Variants in OPN3 observed in about 807,000 individuals in gnomAD.
OPN3 encodes opsin-3.
OPN3 carries 29 observed loss-of-function variants against 33.8 expected under a neutral mutation model. That is an observed-to-expected ratio of 0.86 (90% CI 0.64 to 1.17). The LOEUF (loss-of-function observed/expected upper bound fraction) is 1.17, where lower values mean the gene tolerates loss of function less well. Among genes scored for constraint, OPN3 ranks in the 50% most tolerant of loss-of-function variants. The probability of loss-of-function intolerance (pLI) is 0.00; values close to 1 mark genes in which losing one functional copy is unlikely to be tolerated. For synonymous variants in OPN3, 216 were observed against 216.1 expected (o/e 1.00, Z 0.00); for missense variants, 437 against 514.1 (o/e 0.85, Z 1.45).
chr1:241,630,347 CTTAAT>C (rs1360131323), intron 1 of OPN3: 2 of 152,022 alleles, frequency 1.3e-5, no homozygotes, highest in Non-Finnish European at 2.9e-5. Context: ...AGGCATCTTT[CTTAAT>C]TTATCTCTAT....
Position 241,639,933 on chromosome 1 carries a change from C to A in OPN3, c.322G>T (p.Val108Leu). 6.2e-7 allele frequency: 1 copy of A among 1,607,624 alleles called. No homozygotes were observed. The highest frequency in any genetic ancestry group is 1.1e-5 in the South Asian group (1 of 90,254). The change falls in exon 1 of 4, where the codon GTG (valine) becomes TTG (leucine). Residue 108 changes from valine to leucine, a missense_variant. Val to Leu is a conservative substitution (Grantham distance 32, BLOSUM62 1). Coordinates refer to ENST00000366554, the MANE Select transcript of OPN3 (RefSeq NM_014322.3). ...TFVSCLRNGW[V>L]WDTVGCVWDG... ...CACACGCAGCCCACGGTGTCCCACA[C>A]CCAGCCGTTCCTCAGGCAGGACACG...
chr1:241,629,816 T>C (rs563548943), intron 1 of OPN3: 4 of 152,252 alleles, frequency 2.6e-5, no homozygotes, highest in Admixed American at 2.0e-4. Flanking sequence ...TTTCTTTCCA[T>C]TGGCTTATTA....
intron 1 of OPN3, among the ~76,000 whole-genome samples, chr1:241,620,962 C>T (rs1483710242): frequency 6.6e-6 from 1 of 151,904 alleles, no homozygotes; most frequent in Non-Finnish European, 1.5e-5. Context: ...AGGAAATGGA[C>T]CTCCATCAAA....
rs775047881 is a variant in OPN3, at chr1:241,639,894, C to G, written c.361G>C (p.Gly121Arg). The change falls in exon 1 of 4, where the codon GGC (glycine) becomes CGC (arginine). Residue 121 changes from glycine (G) to arginine (R), a missense_variant. Physicochemically the swap from Gly to Arg is moderately radical, Grantham distance 125. Coordinates refer to ENST00000366554, the MANE Select transcript of OPN3 (RefSeq NM_014322.3). Reference protein sequence around the residue: ...TVGCVWDGFSGSLFGIVSIAT... With the variant: ...TVGCVWDGFSRSLFGIVSIAT... Reference sequence around the variant, plus strand: ...CAGTCCAACTCACCGAAGAGGCTGCCGCTAAACCCGTCCCACACGCAGCCC... The same window carrying G: ...CAGTCCAACTCACCGAAGAGGCTGCGGCTAAACCCGTCCCACACGCAGCCC... 3 of 1,586,416 alleles carry G rather than the reference C, an allele frequency of 1.9e-6. No individual in the cohort carries two copies. In the East Asian group the frequency reaches 7.1e-5, roughly 37 times the overall value.
intron 2 of OPN3, among the ~76,000 whole-genome samples, chr1:241,602,661 G>T (rs1353025750): frequency 1.3e-5 from 2 of 151,918 alleles, no homozygotes; most frequent in Non-Finnish European, 2.9e-5. Flanking sequence ...TAGAGATAGA[G>T]AGAGAGAGAG....
rs900926670 is a variant in OPN3 at position 241,593,753 on chromosome 1, A to C, written c.*675T>G. ...CAAAGAACAGTAAATTTTTAGAGAA[A>C]CAACAAAACAAAGAAAAAGAGCTTT... On this transcript the variant is annotated 3_prime_UTR_variant, in exon 4 of 4. Transcript: ENST00000366554. 6.5e-6 allele frequency: 1 copy of C among 154,490 alleles called. No homozygotes were observed. Among genetic ancestry groups the C allele is most frequent in the Non-Finnish European group, 1.4e-5 (1 of 69,524 alleles). The allele number at this position is 154,490 out of a possible 1,614,324, so 9.6% of individuals were successfully genotyped here.
chr1:241,629,995 C>G (rs1376301922), intron 1 of OPN3: 1 of 152,042 alleles, frequency 6.6e-6, no homozygotes, highest in Non-Finnish European at 1.5e-5. Flanking sequence ...CCATATTCCA[C>G]ACAGCAACCA....
chr1:241,594,322 G>T lies in OPN3; in HGVS notation c.*106C>A. 3 of 1,263,002 alleles carry T rather than the reference G, an allele frequency of 2.4e-6. No homozygotes were observed. The highest frequency in any genetic ancestry group is 2.2e-6 in the Non-Finnish European group (2 of 906,046). The allele number at this position is 1,263,002 out of a possible 1,614,324, so 78.2% of individuals were successfully genotyped here. A position where few individuals can be genotyped will look rare whatever the true frequency, so the allele number is the denominator to read the frequency against. On this transcript the variant is annotated 3_prime_UTR_variant, in exon 4 of 4. Transcript: ENST00000366554. ...TTCGGATTTCCTGCTGGACCACAAG[G>T]TTCTGTTGATATTACATAGAACGGG...
chr1:241,626,366 G>C (rs1664418753), intron 1 of OPN3, among the ~76,000 whole-genome samples: 1 of 145,576 alleles, frequency 6.9e-6, no homozygotes, highest in Non-Finnish European at 1.6e-5. Flanking sequence ...CATAGTCTTT[G>C]TTTGAAAGGA....
intron 1 of OPN3, among the ~76,000 whole-genome samples, chr1:241,608,248 TAGAG>T (rs1449407421): frequency 6.6e-6 from 1 of 152,236 alleles, no homozygotes; most frequent in Non-Finnish European, 1.5e-5. Flanking sequence ...CAATGTACCT[TAGAG>T]AGGAATAAAT....
intron 1 of OPN3, among the ~76,000 whole-genome samples, chr1:241,623,450 G>T (rs1040703412): frequency 6.6e-6 from 1 of 152,110 alleles, no homozygotes; most frequent in African/African-American, 2.4e-5. Context: ...ATAAGCAAAT[G>T]CAATCTGTTT....
intron 1 of OPN3, chr1:241,634,371 G>A (rs879175089): frequency 4.3e-6 from 7 of 1,613,924 alleles, no homozygotes; most frequent in Non-Finnish European, 8.5e-7. Context: ...TCTGTCTTTA[G>A]TATAGACTGA....
At chr1:241,635,352 A>G in intron 1 of OPN3, 1 of 1,614,048 alleles carries the variant, frequency 6.2e-7, no homozygotes, top group Non-Finnish European at 8.5e-7. Context: ...TCTTCAGGTA[A>G]TGCAGAATCC....
intron 1 of OPN3, 69 bp downstream of exon 1, chr1:241,639,813 C>T: frequency 7.6e-7 from 1 of 1,316,584 alleles, no homozygotes; most frequent in Non-Finnish European, 9.7e-7. Flanking sequence ...GGCGGACGCA[C>T]GGAGCGGGCA....
chr1:241,637,653 A>G (rs894531851), intron 1 of OPN3, among the ~76,000 whole-genome samples: 15 of 152,178 alleles, frequency 9.9e-5, no homozygotes, highest in Non-Finnish European at 1.8e-4. Context: ...TAACCTACAG[A>G]TATCAAAGGG....
intron 2 of OPN3, among the ~76,000 whole-genome samples, chr1:241,603,871 A>G (rs924765396): frequency 6.6e-6 from 1 of 152,232 alleles, no homozygotes; most frequent in Non-Finnish European, 1.5e-5. Flanking sequence ...GTGATCGCCA[A>G]ACAAAACATC....
intron 2 of OPN3, among the ~76,000 whole-genome samples, chr1:241,600,091 T>C (rs1663641735): frequency 6.6e-6 from 1 of 152,214 alleles, no homozygotes; most frequent in Non-Finnish European, 1.5e-5. Context: ...GGTCAGTCTT[T>C]ATCCCCTCTC....
In OPN3 at chr1:241,640,056, A is replaced by G. The variant is rs767722232; in HGVS notation, c.199T>C (p.Tyr67His). Reference protein sequence around the residue: ...GNNLLVLVLYYKFQRLRTPTH... With the variant: ...GNNLLVLVLYHKFQRLRTPTH... ...GGAGTGCGGAGCCGCTGGAACTTGT[A>G]GTAGAGGACGAGCACCAGCAGGTTG... Residue 67 changes from tyrosine to histidine, a missense_variant, in exon 1 of 4, where the codon TAC becomes CAC. Coordinates refer to ENST00000366554, the MANE Select transcript of OPN3 (RefSeq NM_014322.3). 6 of 1,612,626 alleles carry G rather than the reference A, an allele frequency of 3.7e-6. No individual in the cohort carries two copies. Among genetic ancestry groups the G allele is most frequent in the Non-Finnish European group, 5.1e-6 (6 of 1,179,430 alleles).
At chr1:241,628,429 C>A (rs2148018451) in intron 1 of OPN3, among the ~76,000 whole-genome samples, 1 of 152,258 alleles carries the variant, frequency 6.6e-6, no homozygotes, top group East Asian at 1.9e-4. Flanking sequence ...ATCTCTCACG[C>A]TGACTGGAAG....
Sources: allele counts gnomAD v4.1 joint callset (sites outside exome capture counted in the v4.1 genomes callset), GRCh38; gene constraint gnomAD v4.1.1; transcripts MANE v1.5; gene names NCBI Gene and HGNC (gene_info 2026-07-23, HGNC 2026-07-21).